Variants in SPAG11B observed in about 807,000 individuals in gnomAD.
SPAG11B encodes the protein sperm-associated antigen 11B.
Under a neutral mutation model 8.9 loss-of-function variants are expected in SPAG11B, and 5 were observed. The ratio of observed to expected loss-of-function variants is 0.56; its 90% confidence interval spans 0.29 to 1.19. The LOEUF is 1.19. Ranked by LOEUF, SPAG11B falls within the 50% of genes most tolerant of loss-of-function variation. The probability of loss-of-function intolerance (pLI) is 0.08; values close to 1 mark genes in which losing one functional copy is unlikely to be tolerated. For missense variants in SPAG11B, 38 were observed against 146.4 expected, an observed-to-expected ratio of 0.26 and a Z score of 3.82; for synonymous variants, 12 against 53.0, an observed-to-expected ratio of 0.23 and a Z score of 3.36.
At chr8:7,448,319 A>G, downstream of SPAG11B, among the ~76,000 whole-genome samples, 2 of 135,988 alleles carry the variant, frequency 1.5e-5, no homozygotes, top group South Asian at 2.4e-4. Context: ...AAAAAAAAAA[A>G]AAAAAAAAAA....
intron 2 of SPAG11B, among the ~76,000 whole-genome samples, chr8:7,459,530 C>T (rs1342689079): frequency 2.0e-5 from 3 of 149,090 alleles, no homozygotes; most frequent in African/African-American, 7.4e-5. Context: ...AGAGCTGAGA[C>T]ACACTCCCCG....
chr8:7,453,394 C>G (rs1396147964), intron 2 of SPAG11B, among the ~76,000 whole-genome samples: 1 of 149,218 alleles, frequency 6.7e-6, no homozygotes. Context: ...TCCTATCCCC[C>G]TGGGCTTCAT....
chr8:7,451,568 C>T (rs1810169023), intron 2 of SPAG11B, among the ~76,000 whole-genome samples: 1 of 122,280 alleles, frequency 8.2e-6, no homozygotes, highest in Non-Finnish European at 1.7e-5. Flanking sequence ...TCTTGCACAA[C>T]ATCCAACCTC....
At chr8:7,453,811 C>A (rs1255864945) in intron 2 of SPAG11B, among the ~76,000 whole-genome samples, 15 of 148,678 alleles carry the variant, frequency 1.0e-4, no homozygotes, top group Middle Eastern at 3.2e-3. Flanking sequence ...CTGGCAGGGA[C>A]TCTCTGACTC....
chr8:7,454,020 G>A (rs1198252135), intron 2 of SPAG11B, among the ~76,000 whole-genome samples: 2 of 127,864 alleles, frequency 1.6e-5, no homozygotes, highest in African/African-American at 3.3e-5. Flanking sequence ...TTAAGAAATC[G>A]ATTAAAATGT....
Position 7,450,915 on chromosome 8 carries a change from GA to G in SPAG11B, c.215-16del. 1.3e-6 allele frequency: 2 copies of G among 1,551,534 alleles called. No homozygotes were observed. The highest frequency in any genetic ancestry group is 4.5e-5 in the East Asian group (2 of 44,530). On this transcript the variant is annotated splice_polypyrimidine_tract_variant and intron_variant, in intron 2 of 2. Transcript: ENST00000398462. ...TGGAACATCCCCTATGGATACAACA[GA>G]AGAGAGTTGACATTTAACTCATATA...
In SPAG11B at chr8:7,459,509, A is replaced by G. The variant is rs1334141529; in HGVS notation, c.214+3198T>C. Among the ~76,000 whole-genome samples, 5 of 148,734 alleles carry G rather than the reference A, an allele frequency of 3.4e-5. 1 individual carries two copies. Among genetic ancestry groups the G allele is most frequent in the African/African-American group, 1.2e-4 (5 of 40,546 alleles). ...GCAACTGAGAAAATATTCATGTGAA[A>G]ACAGGTGGGAAGAGCTGAGACACAC... On this transcript the variant is annotated intron_variant, in intron 2 of 2. Coordinates refer to ENST00000398462, the MANE Select transcript of SPAG11B (RefSeq NM_058201.4).
At chr8:7,450,305 G>T (rs1390264150), downstream of SPAG11B, among the ~76,000 whole-genome samples, 4 of 146,610 alleles carry the variant, frequency 2.7e-5, no homozygotes, top group Non-Finnish European at 6.0e-5. Flanking sequence ...AGGCATAAAG[G>T]GAAAAGGGAT....
rs1352695622 is a variant in SPAG11B at position 7,450,910 on chromosome 8, C to A, written c.215-10G>T. The A allele has an allele frequency of 2.6e-6, 4 of 1,552,342 alleles. No individual in the cohort carries two copies. The highest frequency in any genetic ancestry group is 3.7e-5 in the Admixed American group (2 of 54,522). ...CCCGGTGGAACATCCCCTATGGATA[C>A]AACAGAAGAGAGTTGACATTTAACT... On this transcript the variant is annotated splice_polypyrimidine_tract_variant and intron_variant, in intron 2 of 2. Coordinates refer to ENST00000398462, the MANE Select transcript of SPAG11B (RefSeq NM_058201.4).
rs1810098678 is a variant in SPAG11B, at chr8:7,450,896, A to T, written c.219T>A (p.Asp73Glu). 6.4e-7 allele frequency: 1 copy of T among 1,555,106 alleles called. No homozygotes were observed. The highest frequency in any genetic ancestry group is 8.8e-7 in the Non-Finnish European group (1 of 1,141,254). ...TGGTATTTCTAATTCCCGGTGGAACATCCCCTATGGATACAACAGAAGAGA... is the reference window on the plus strand; with the variant it reads ...TGGTATTTCTAATTCCCGGTGGAACTTCCCCTATGGATACAACAGAAGAGA... The part of the protein sequence containing the change: ...LPPRTPPYQG[D>E]VPPGIRNTIC... Residue 73 changes from aspartate (D) to glutamate (E), a missense_variant, in exon 3 of 3, where the codon GAT (aspartate) becomes GAA (glutamate). Asp to Glu is a conservative substitution (Grantham distance 45). Transcript: ENST00000398462.
intron 2 of SPAG11B, among the ~76,000 whole-genome samples, chr8:7,462,486 C>T (rs1180922485): frequency 6.6e-6 from 1 of 151,950 alleles, no homozygotes; most frequent in Non-Finnish European, 1.5e-5. Flanking sequence ...CCCCTCAATA[C>T]TCCCACGTTC....
intron 2 of SPAG11B, among the ~76,000 whole-genome samples, chr8:7,455,631 AG>A (rs1563343875): frequency 6.8e-6 from 1 of 148,124 alleles, no homozygotes; most frequent in Non-Finnish European, 1.5e-5. Flanking sequence ...CGGTGAAAAT[AG>A]GTGTTCAAAC....
At chr8:7,448,796 TC>T (rs1420728075), downstream of SPAG11B, among the ~76,000 whole-genome samples, 12 of 132,814 alleles carry the variant, frequency 9.0e-5, no homozygotes, top group African/African-American at 3.3e-4. Context: ...CCCCTTCCCT[TC>T]CCTTCCCTTC....
rs2853658 is a variant in SPAG11B at position 7,451,184 on chromosome 8, C to G, written c.215-284G>C. 2 of 1,557,482 alleles carry G rather than the reference C, an allele frequency of 1.3e-6. 1 individual carries two copies. Among genetic ancestry groups the G allele is most frequent in the Non-Finnish European group, 1.8e-6 (2 of 1,141,626 alleles). On this transcript the variant is annotated intron_variant, in intron 2 of 2. Transcript: ENST00000398462. ...CCTAAATGAGGGTCCTCGAGCCTCC[C>G]GGTGAGAGATGTGCACTAGAAGGAA...
chr8:7,458,937 G>A (rs1286043981), intron 2 of SPAG11B, among the ~76,000 whole-genome samples: 3 of 91,934 alleles, frequency 3.3e-5, no homozygotes, highest in South Asian at 4.0e-4. Flanking sequence ...GGTGGCTCAC[G>A]CCTGTAATTC....
chr8:7,459,731 C>G (rs1810668882), intron 2 of SPAG11B, among the ~76,000 whole-genome samples: 1 of 127,976 alleles, frequency 7.8e-6, no homozygotes, highest in East Asian at 3.1e-4. Context: ...GCAGGTCTCC[C>G]TAAACCACAG....
intron 2 of SPAG11B, among the ~76,000 whole-genome samples, chr8:7,454,084 A>G (rs200163222): frequency 9.4e-6 from 1 of 106,270 alleles, no homozygotes; most frequent in Non-Finnish European, 2.0e-5. Flanking sequence ...AAATCTCTCA[A>G]AAAAAAAAAA....
chr8:7,449,467 C>T (rs1364066366), downstream of SPAG11B, among the ~76,000 whole-genome samples: 2 of 148,982 alleles, frequency 1.3e-5, no homozygotes, highest in Non-Finnish European at 3.0e-5. Flanking sequence ...CTAATAGGGG[C>T]CAATGCCCTT....
chr8:7,449,818 C>T (rs1413525358), downstream of SPAG11B, among the ~76,000 whole-genome samples: 4 of 141,960 alleles, frequency 2.8e-5, no homozygotes. Context: ...TCTTCCCAAG[C>T]CACCTGTCAG....
Sources: allele counts gnomAD v4.1 joint callset (sites outside exome capture counted in the v4.1 genomes callset), GRCh38; gene constraint gnomAD v4.1.1; transcripts MANE v1.5; gene names NCBI Gene and HGNC (gene_info 2026-07-23, HGNC 2026-07-21).